C8orf34: variants seen among roughly 807,000 people sequenced by gnomAD.
C8orf34 encodes the protein uncharacterized protein C8orf34.
Under a neutral mutation model 68.3 loss-of-function variants are expected in C8orf34, and 65 were observed. The observed-to-expected ratio is 0.95, with a 90% CI of 0.78 to 1.17. C8orf34 has a LOEUF of 1.17. Among genes scored for constraint, C8orf34 ranks in the 50% most tolerant of loss-of-function variants. The pLI, the probability that C8orf34 is intolerant of heterozygous loss-of-function variation, is 0.00. For missense variants in C8orf34, 664 were observed against 655.4 expected, an observed-to-expected ratio of 1.01 and a Z score of -0.14; for synonymous variants, 244 against 241.2, an observed-to-expected ratio of 1.01 and a Z score of -0.11.
chr8:68,357,534 T>G (rs763453405), intron 1 of C8orf34, among the ~76,000 whole-genome samples: 14 of 152,122 alleles, frequency 9.2e-5, no homozygotes, highest in Non-Finnish European at 1.9e-4. Context: ...AAAAATAATA[T>G]TCAGGGAAGA....
intron 8 of C8orf34, among the ~76,000 whole-genome samples, chr8:68,660,436 G>A (rs141502848): frequency 6.6e-6 from 1 of 152,116 alleles, no homozygotes; most frequent in Non-Finnish European, 1.5e-5. Context: ...GTTAACAGGG[G>A]GTCTGGAGGG....
rs1200278860 is a variant in C8orf34 at position 68,355,361 on chromosome 8, C to T, written c.327+24022C>T. On this transcript the variant is annotated intron_variant, in intron 1 of 13. Transcript: ENST00000518698. ...AGGTTTGGCAATCTGTCTGCTTGAC[C>T]CTGAGCAAGTGATTTAATCTCTGTT... Among the ~76,000 whole-genome samples the T allele has an allele frequency of 6.6e-5, 10 of 152,170 alleles. No homozygotes were observed. The South Asian group carries it at 2.1e-3, about 32-fold the overall frequency.
rs34713905 is a variant in C8orf34 at position 68,401,861 on chromosome 8, T to TTGTGTGTGTG, written c.328-37620_328-37611dup. Among the ~76,000 whole-genome samples, 973 of 149,058 alleles carry TTGTGTGTGTG rather than the reference T, an allele frequency of 6.5e-3. 18 individuals carry two copies. Among genetic ancestry groups the TTGTGTGTGTG allele is most frequent in the African/African-American group, 0.023 (926 of 40,606 alleles). On this transcript the variant is annotated intron_variant, in intron 1 of 13. Transcript: ENST00000518698. ...AGGGATATTGGTCTACAGTTCTCTTTTGTGTGTGTGTGTGTGTGTGTGTGT... is the reference window on the plus strand; with the variant it reads ...AGGGATATTGGTCTACAGTTCTCTTTTGTGTGTGTGTGTGTGTGTGTGTGTGTGTGTGTGT...
intron 12 of C8orf34, among the ~76,000 whole-genome samples, chr8:68,813,905 T>C (rs1379662157): frequency 6.6e-6 from 1 of 152,204 alleles, no homozygotes; most frequent in Non-Finnish European, 1.5e-5. Flanking sequence ...GCTTCTCAAA[T>C]CTAGTTATTC....
intron 5 of C8orf34, among the ~76,000 whole-genome samples, chr8:68,519,739 G>A (rs923126067): frequency 2.0e-5 from 3 of 151,818 alleles, no homozygotes; most frequent in Non-Finnish European, 2.9e-5. Context: ...GGGGTGGGGG[G>A]GAAGAATTTT....
chr8:68,491,896 A>G (rs1030578599), intron 5 of C8orf34, among the ~76,000 whole-genome samples: 2 of 152,002 alleles, frequency 1.3e-5, no homozygotes, highest in Non-Finnish European at 1.5e-5. Flanking sequence ...CATGATTCCA[A>G]TTCATCCTTC....
chr8:68,475,336 T>C (rs1418514085), intron 4 of C8orf34, among the ~76,000 whole-genome samples: 2 of 152,226 alleles, frequency 1.3e-5, no homozygotes, highest in Non-Finnish European at 2.9e-5. Context: ...GATCTGTTTT[T>C]ATTTATCTCC....
At chr8:68,809,976 A>T (rs1824597492) in intron 12 of C8orf34, among the ~76,000 whole-genome samples, 1 of 152,230 alleles carries the variant, frequency 6.6e-6, no homozygotes, top group African/African-American at 2.4e-5. Flanking sequence ...ATATATTTTA[A>T]TGGAGAGCTA....
At chr8:68,752,325 T>C (rs1822730503) in intron 10 of C8orf34, among the ~76,000 whole-genome samples, 1 of 152,236 alleles carries the variant, frequency 6.6e-6, no homozygotes, top group African/African-American at 2.4e-5. Context: ...ATTAGTCCCC[T>C]GGCATGACTT....
intron 1 of C8orf34, among the ~76,000 whole-genome samples, chr8:68,434,712 C>G (rs1270072960): frequency 1.3e-5 from 2 of 152,012 alleles, no homozygotes; most frequent in Non-Finnish European, 2.9e-5. Context: ...ATGTAGTATA[C>G]TCATGAAGTT....
intron 5 of C8orf34, among the ~76,000 whole-genome samples, chr8:68,518,246 A>G (rs1440858839): frequency 2.6e-5 from 4 of 152,200 alleles, no homozygotes; most frequent in African/African-American, 7.2e-5. Flanking sequence ...CCTTGGTGAG[A>G]CTACCACTGC....
intron 10 of C8orf34, among the ~76,000 whole-genome samples, chr8:68,745,961 C>T (rs1336050103): frequency 6.6e-6 from 1 of 152,034 alleles, no homozygotes; most frequent in Non-Finnish European, 1.5e-5. Context: ...CACACCTATT[C>T]CAAAATTGAC....
At chr8:68,409,743 G>A (rs987683452) in intron 1 of C8orf34, among the ~76,000 whole-genome samples, 3 of 152,084 alleles carry the variant, frequency 2.0e-5, no homozygotes, top group Non-Finnish European at 2.9e-5. Context: ...ACATTCACTC[G>A]CCACTCACTC....
chr8:68,624,474 T>C (rs1461771164), intron 7 of C8orf34, among the ~76,000 whole-genome samples: 1 of 152,142 alleles, frequency 6.6e-6, no homozygotes, highest in Non-Finnish European at 1.5e-5. Context: ...TAGCTCTAAA[T>C]TTAGACAGAT....
At chr8:68,723,519 A>C (rs1441094365) in intron 10 of C8orf34, among the ~76,000 whole-genome samples, 1 of 152,128 alleles carries the variant, frequency 6.6e-6, no homozygotes, top group Non-Finnish European at 1.5e-5. Context: ...TTATTTGGTG[A>C]TTATAACCTA....
At chr8:68,791,942 G>A (rs1486572316) in intron 12 of C8orf34, 1 of 152,130 alleles carries the variant, frequency 6.6e-6, no homozygotes, top group Non-Finnish European at 1.5e-5. Context: ...ATACACATAG[G>A]GAATCAAACT....
intron 12 of C8orf34, among the ~76,000 whole-genome samples, chr8:68,789,337 G>GTGCTATA (rs1823928842): frequency 6.6e-6 from 1 of 152,208 alleles, no homozygotes; most frequent in Admixed American, 6.5e-5. Context: ...TTATATGAGT[G>GTGCTATA]TGCTATATTT....
intron 3 of C8orf34, among the ~76,000 whole-genome samples, chr8:68,457,798 C>A (rs557793554): frequency 5.5e-4 from 83 of 152,238 alleles, no homozygotes; most frequent in African/African-American, 1.9e-3. Context: ...ATTCTGTCAT[C>A]TTCTTCTATA....
At chr8:68,702,977 A>G (rs1392155643) in intron 8 of C8orf34, among the ~76,000 whole-genome samples, 1 of 152,134 alleles carries the variant, frequency 6.6e-6, no homozygotes, top group African/African-American at 2.4e-5. Flanking sequence ...AGAGTGAAAC[A>G]TCAGGATCAG....
Sources: gnomAD v4.1 joint callset for allele counts (sites outside exome capture counted in the v4.1 genomes callset) on GRCh38, gnomAD v4.1.1 for gene constraint, MANE v1.5 for transcripts, NCBI Gene and HGNC (gene_info 2026-07-23, HGNC 2026-07-21) for gene names.